The following TTC39A variants were observed in gnomAD, a reference collection of about 807,000 sequenced individuals.
The protein encoded by TTC39A is tetratricopeptide repeat protein 39A.
A neutral mutation model predicts 82.3 loss-of-function variants in TTC39A; 46 were observed. The ratio of observed to expected loss-of-function variants is 0.56; its 90% CI spans 0.44 to 0.71. TTC39A has a LOEUF of 0.71. Ranked by LOEUF, TTC39A falls within the 30% of genes least tolerant of loss-of-function variation. TTC39A has a pLI of 0.00. For missense variants in TTC39A, 543 were observed against 712.9 expected (o/e 0.76, Z 2.71); for synonymous variants, 254 against 275.2 (o/e 0.92, Z 0.76).
chr1:51,321,841 C>A lies in TTC39A; in HGVS notation c.42-16G>T, dbSNP rs550828627. The A allele has an allele frequency of 6.2e-7, 1 of 1,605,692 alleles. No individual in the cohort carries two copies. The highest frequency in any genetic ancestry group is 8.5e-7 in the Non-Finnish European group (1 of 1,174,776). On this transcript the variant is annotated splice_polypyrimidine_tract_variant and intron_variant, in intron 1 of 17. Coordinates refer to ENST00000680483, the MANE Select transcript of TTC39A (RefSeq NM_001297663.2). This position sits in a 1 kb window ranked among gnomAD's most constrained non-coding sequence, Gnocchi z 4.6. The stretch of plus-strand genomic sequence containing the variant: ...CTCAGGAGTCCTGGGGGAAGAGATG[C>A]GGGGCATGACACAGGGGCCCTCCAA...
rs148384147 is a variant in TTC39A, at chr1:51,337,142, C to T, written c.53+7849G>A. On this transcript the variant is annotated intron_variant, in intron 1 of 5. Coordinates refer to the TTC39A transcript ENST00000401051. ...CCCTGCAAAGGCTCCGCATGTTCCT[C>T]AGTGCAAAAACTAGTCTGTCTATGG... Among the ~76,000 whole-genome samples the T allele has an allele frequency of 5.3e-5, 8 of 152,292 alleles. No homozygotes were observed. The East Asian group carries it at 1.5e-3, about 29-fold the overall frequency.
At chr1:51,305,481 C>A (rs1644834234) in intron 7 of TTC39A, 1 of 350,650 alleles carries the variant, frequency 2.9e-6, no homozygotes, top group South Asian at 2.6e-5. Context: ...CCCTCCCCAG[C>A]TGGGAAACTC....
At chr1:51,292,558 G>C (rs1644261949) in intron 14 of TTC39A, among the ~76,000 whole-genome samples, 1 of 152,182 alleles carries the variant, frequency 6.6e-6, no homozygotes, top group African/African-American at 2.4e-5. Context: ...AGCCTCCCAA[G>C]AAACTGGGAC....
At chr1:51,329,432 G>T (rs1199378263) in intron 1 of TTC39A, among the ~76,000 whole-genome samples, 2 of 152,180 alleles carry the variant, frequency 1.3e-5, no homozygotes, top group Non-Finnish European at 2.9e-5. Context: ...CAACAAAAAT[G>T]ATGAAGCTGA....
chr1:51,336,682 C>T (rs929083047), intron 1 of TTC39A, among the ~76,000 whole-genome samples: 7 of 152,098 alleles, frequency 4.6e-5, no homozygotes, highest in African/African-American at 1.4e-4. Flanking sequence ...TGGGCAGTCC[C>T]AAGCAATTCA....
At chr1:51,301,916 C>T in intron 11 of TTC39A, 183 bp from the exon 12 acceptor site, 1 of 777,496 alleles carries the variant, frequency 1.3e-6, no homozygotes, top group Non-Finnish European at 2.0e-6. Flanking sequence ...GGTTTTACCT[C>T]CTAAGTCTTA....
Position 51,301,614 on chromosome 1 carries a change from G to A in TTC39A, c.1011C>T (p.Tyr337=). The change falls in exon 12 of 18, where the codon TAC becomes TAT. Residue 337 remains tyrosine (Y), a synonymous_variant. Coordinates refer to ENST00000680483, the MANE Select transcript of TTC39A (RefSeq NM_001297663.2). ...CCTTGCTGAGCAGGTCGGCGTAGAAGTAGGACATCTTCCACTGGCCCTTGT... is the reference window on the plus strand; with the variant it reads ...CCTTGCTGAGCAGGTCGGCGTAGAAATAGGACATCTTCCACTGGCCCTTGT... ...FTYKGQWKMS[Y]FYADLLSKEN... The A allele has an allele frequency of 6.2e-7, 1 of 1,613,482 alleles. No individual in the cohort carries two copies.
rs549060598 is a variant in TTC39A at position 51,340,998 on chromosome 1, C to T, written c.53+3993G>A. On this transcript the variant is annotated intron_variant, in intron 1 of 5. Coordinates refer to the TTC39A transcript ENST00000401051. ...ACCAGCCTGGCCAACATGGTGAAAC[C>T]CCCTCTCTACTAAAAATACAAAATT... Among the ~76,000 whole-genome samples, 266 of 152,222 alleles carry T rather than the reference C, an allele frequency of 1.7e-3. 1 individual carries two copies. Among genetic ancestry groups the T allele is most frequent in the African/African-American group, 6.2e-3 (258 of 41,510 alleles).
intron 2 of TTC39A, among the ~76,000 whole-genome samples, chr1:51,319,167 C>CA (rs547976459): frequency 7.2e-5 from 11 of 151,930 alleles, no homozygotes; most frequent in African/African-American, 2.7e-4. Flanking sequence ...CACCATAAAC[C>CA]AAGAAGAAGA....
At chr1:51,291,180 T>C (rs533096794) in intron 14 of TTC39A, among the ~76,000 whole-genome samples, 63 of 151,550 alleles carry the variant, frequency 4.2e-4, no homozygotes, top group African/African-American at 1.5e-3. Context: ...TCTTAGATTC[T>C]TTTTTTTTAG....
intron 8 of TTC39A, among the ~76,000 whole-genome samples, chr1:51,304,588 G>C (rs1237148172): frequency 1.3e-5 from 2 of 152,184 alleles, no homozygotes; most frequent in African/African-American, 4.8e-5. Context: ...CCTGGGGTTG[G>C]TACTCAGGTT....
rs374922848 is a variant in TTC39A at position 51,324,366 on chromosome 1, T to A, written c.42-2541A>T. Among the ~76,000 whole-genome samples, 12 of 152,290 alleles carry A rather than the reference T, an allele frequency of 7.9e-5. No individual in the cohort carries two copies. The East Asian group carries it at 2.1e-3, about 27-fold the overall frequency. Reference sequence around the variant, plus strand: ...TTCTTTCCCATCTGTTGAGTGGCCGTTGAAACTCCTGGCTTTAGATTTCTG... The same window carrying A: ...TTCTTTCCCATCTGTTGAGTGGCCGATGAAACTCCTGGCTTTAGATTTCTG... On this transcript the variant is annotated intron_variant, in intron 1 of 17. Transcript: ENST00000680483.
intron 5 of TTC39A, 140 bp from the exon 6 acceptor site, chr1:51,309,465 G>T: frequency 3.3e-6 from 5 of 1,506,546 alleles, no homozygotes; most frequent in Non-Finnish European, 4.4e-6. Context: ...GCCAAACCAG[G>T]CCTCCCTGCT....
intron 1 of TTC39A, among the ~76,000 whole-genome samples, chr1:51,327,104 G>C (rs1645740689): frequency 6.6e-6 from 1 of 152,188 alleles, no homozygotes; most frequent in Admixed American, 6.5e-5. Flanking sequence ...AGTTGGCTTG[G>C]ACTGCTGCTT....
At position 51,301,738 on chromosome 1, in the gene TTC39A, A is replaced by T; in HGVS notation, c.892-5T>A. 1 of 1,601,340 alleles carries T rather than the reference A, an allele frequency of 6.2e-7. No individual in the cohort carries two copies. The highest frequency in any genetic ancestry group is 1.1e-5 in the South Asian group (1 of 90,942). ...CTCCTCGAAACGCCGGATGGCCTGC[A>T]GGCACCTTCTGGTCAGCCTGACGGG... On this transcript the variant is annotated splice_region_variant and splice_polypyrimidine_tract_variant and intron_variant, in intron 11 of 17. Coordinates refer to ENST00000680483, the MANE Select transcript of TTC39A (RefSeq NM_001297663.2).
chr1:51,310,235 T>TCAA (rs778675523), intron 5 of TTC39A, among the ~76,000 whole-genome samples: 2 of 151,994 alleles, frequency 1.3e-5, no homozygotes, highest in Non-Finnish European at 2.9e-5. Context: ...AGACTCCGTC[T>TCAA]CAACAACAAC....
chr1:51,333,985 C>T (rs913326966), upstream of TTC39A, among the ~76,000 whole-genome samples: 6 of 152,056 alleles, frequency 3.9e-5, no homozygotes, highest in African/African-American at 1.5e-4. Context: ...TTTCACTTTA[C>T]CACCTCTCTG....
chr1:51,313,902 C>T (rs1645186181), intron 2 of TTC39A, among the ~76,000 whole-genome samples: 1 of 152,258 alleles, frequency 6.6e-6, no homozygotes, highest in Admixed American at 6.5e-5. Flanking sequence ...ACATATCTGT[C>T]AAGGCCTCAA....
At position 51,294,380 on chromosome 1, in the gene TTC39A, C is replaced by T; in HGVS notation, c.1266+11G>A. 1.2e-6 allele frequency: 2 copies of T among 1,613,936 alleles called. No homozygotes were observed. The highest frequency in any genetic ancestry group is 1.7e-6 in the Non-Finnish European group (2 of 1,179,876). ...CCCGGAGGGCAGCGCCAGTCCAGAC[C>T]TCCTACCCACCAGAGCAGGCACTGG... On this transcript the variant is annotated intron_variant, in intron 14 of 17. Transcript: ENST00000680483. The surrounding 1 kb of genome is among the most constrained non-coding windows in gnomAD (Gnocchi z 4.3).
Sources: gnomAD v4.1 joint callset for allele counts (sites outside exome capture counted in the v4.1 genomes callset) on GRCh38, gnomAD v4.1.1 for gene constraint, Gnocchi (gnomAD v3.1) non-coding constraint, MANE v1.5 for transcripts, NCBI Gene and HGNC (gene_info 2026-07-23, HGNC 2026-07-21) for gene names.